The following CLCN5 variants were observed in gnomAD, a reference collection of about 807,000 sequenced individuals.
CLCN5 encodes Cl-/H+ antiporter 5, also known as H(+)/Cl(-) exchange transporter 5.
In CLCN5, 17 loss-of-function variants were observed where a neutral mutation model predicts 54.0. The observed-to-expected ratio is 0.31, with a 90% CI of 0.22 to 0.47. The LOEUF (loss-of-function observed/expected upper bound fraction) is 0.47. Ranked by LOEUF, CLCN5 falls within the 20% of genes least tolerant of loss-of-function variation. CLCN5 has a pLI of 1.00. For missense variants in CLCN5, 448 were observed against 646.7 expected, an observed-to-expected ratio of 0.69 and a Z score of 3.33; for synonymous variants, 222 against 233.0, an observed-to-expected ratio of 0.95 and a Z score of 0.43.
At chrX:49,925,693 T>C (rs1489964945) in intron 3 of CLCN5, among the ~76,000 whole-genome samples, 2 of 112,253 alleles carry the variant, frequency 1.8e-5, no homozygotes, top group Non-Finnish European at 3.8e-5. Flanking sequence ...GGGAGACAGA[T>C]GTCACTGCCT....
At chrX:49,959,053 A>G (rs1216299421) in intron 3 of CLCN5, among the ~76,000 whole-genome samples, 1 of 110,261 alleles carries the variant, frequency 9.1e-6, no homozygotes, top group Non-Finnish European at 1.9e-5. Flanking sequence ...TTTTTTCTTC[A>G]AGATCATGGG....
intron 3 of CLCN5, among the ~76,000 whole-genome samples, chrX:49,946,588 A>G (rs1236095109): frequency 9.0e-6 from 1 of 111,480 alleles, no homozygotes; most frequent in African/African-American, 3.3e-5. Flanking sequence ...AATGGCAAGA[A>G]GGAATCAATA....
intron 3 of CLCN5, among the ~76,000 whole-genome samples, chrX:49,932,185 G>A (rs782752625): frequency 2.6e-4 from 29 of 111,664 alleles, no homozygotes; most frequent in Non-Finnish European, 5.3e-4. Context: ...CAAAGTGCAG[G>A]GATTACAGGC....
chrX:50,015,050 A>G (rs1273975273), intron 3 of CLCN5, among the ~76,000 whole-genome samples: 2 of 111,160 alleles, frequency 1.8e-5, no homozygotes, highest in African/African-American at 6.5e-5. Flanking sequence ...ACCTATATGT[A>G]TATATATGGA....
At chrX:49,970,784 G>A (rs781940109) in intron 3 of CLCN5, among the ~76,000 whole-genome samples, 38 of 111,319 alleles carry the variant, frequency 3.4e-4, no homozygotes, top group Non-Finnish European at 6.4e-4. Context: ...CCTAGGACTG[G>A]AATTTCTGGG....
intron 6 of CLCN5, among the ~76,000 whole-genome samples, 197 bp from the exon 7 acceptor site, chrX:50,075,598 A>G (rs1452393047): frequency 1.8e-5 from 2 of 111,342 alleles, no homozygotes; most frequent in African/African-American, 6.5e-5. Context: ...GGCAGTGTTT[A>G]GTGCAGAGAT....
chrX:49,955,808 C>T (rs138205230), intron 3 of CLCN5, among the ~76,000 whole-genome samples: 1,717 of 111,507 alleles, frequency 0.015, 29 homozygotes, highest in African/African-American at 0.053. Context: ...TTAAAACTGT[C>T]GAACTGTAGT....
Position 50,092,269 on chromosome X carries a change from T to C in CLCN5, c.*50T>C. The C allele has an allele frequency of 1.1e-6, 1 of 871,349 alleles. No individual in the cohort carries two copies. Among genetic ancestry groups the C allele is most frequent in the Non-Finnish European group, 1.7e-6 (1 of 586,954 alleles). The allele number at this position is 871,349 out of a possible 1,213,427, so 71.8% of individuals were successfully genotyped here. A position where few individuals can be genotyped will look rare whatever the true frequency, so the allele number is the denominator to read the frequency against. On this transcript the variant is annotated 3_prime_UTR_variant, in exon 15 of 15. Transcript: ENST00000376091. ...CGGGAAGGACATTACAGACCATGGATATGTTGTATTAACTGGGTACCCAAA... is the reference window on the plus strand; with the variant it reads ...CGGGAAGGACATTACAGACCATGGACATGTTGTATTAACTGGGTACCCAAA...
At position 49,991,727 on chromosome X, in the gene CLCN5, C is replaced by T. The variant is rs1317060383; in HGVS notation, c.17-50589C>T. 2.7e-5 allele frequency among the ~76,000 whole-genome samples: 3 copies of T among 111,866 alleles called. No individual in the cohort carries two copies. In the Admixed American group the frequency reaches 2.8e-4, roughly 11 times the overall value. ...TTAAAACTTTCCTGTTAACATATAA[C>T]ACACCTACAAAACAGTGTGCAAATC... is the stretch of plus-strand genomic sequence containing the variant. On this transcript the variant is annotated intron_variant, in intron 3 of 14. Transcript: ENST00000376091.
Position 49,969,944 on chromosome X carries a change from A to G in CLCN5, c.16+44630A>G, listed in dbSNP as rs1480021863. Among the ~76,000 whole-genome samples, 9 of 111,440 alleles carry G rather than the reference A, an allele frequency of 8.1e-5. No homozygotes were observed. In the East Asian group the frequency reaches 1.4e-3, roughly 17 times the overall value. On this transcript the variant is annotated intron_variant, in intron 3 of 14. Transcript: ENST00000376091. ...TGAAGCTTGGTTGTTAGGTGCATGCATGTTTAGGATTACTATGTACTTTTG... is the reference window on the plus strand; with the variant it reads ...TGAAGCTTGGTTGTTAGGTGCATGCGTGTTTAGGATTACTATGTACTTTTG...
At chrX:49,987,734 T>A (rs1291228821) in intron 3 of CLCN5, among the ~76,000 whole-genome samples, 1 of 111,419 alleles carries the variant, frequency 9.0e-6, no homozygotes, top group Non-Finnish European at 1.9e-5. Context: ...AATTAGGCTC[T>A]ATTAAATCTT....
In CLCN5 at chrX:50,093,371, G is replaced by A. The variant is rs1466323081; in HGVS notation, c.*1152G>A. The A allele has an allele frequency of 8.9e-6, 1 of 112,008 alleles. No individual in the cohort carries two copies. The highest frequency in any genetic ancestry group is 3.3e-5 in the African/African-American group (1 of 30,708). The allele number at this position is 112,008 out of a possible 1,213,427, so 9.2% of individuals were successfully genotyped here. ...GTCCCCATGATCATGAATTAGGCTT[G>A]GGATGCTTCCAAATATATTCAAGGT... On this transcript the variant is annotated 3_prime_UTR_variant, in exon 15 of 15. Coordinates refer to ENST00000376091, the MANE Select transcript of CLCN5 (RefSeq NM_001127898.4).
At chrX:50,049,754 A>G (rs1280657819) in intron 4 of CLCN5, among the ~76,000 whole-genome samples, 1 of 111,520 alleles carries the variant, frequency 9.0e-6, no homozygotes, top group African/African-American at 3.3e-5. Flanking sequence ...TGTGCTGTGA[A>G]GTTCTATAAG....
chrX:49,923,738 G>GT (rs1264965436), intron 2 of CLCN5: 1 of 112,291 alleles, frequency 8.9e-6, no homozygotes, highest in Non-Finnish European at 1.9e-5. Flanking sequence ...CACCCTAGGA[G>GT]TTTGTGAGTT....
Position 50,042,404 on chromosome X carries a change from A to G in CLCN5, c.105A>G (p.Ala35=), listed in dbSNP as rs1206185911. ...ATGAAGACCTGATGGACATTCCAGC[A>G]ACCGCTATGGATTTCTCCATGAGAG... is the stretch of plus-strand genomic sequence containing the variant. ...SSDEDLMDIP[A]TAMDFSMRDD... Residue 35 remains alanine (A), a synonymous_variant, in exon 4 of 15, where the codon GCA becomes GCG. Transcript: ENST00000376091. The G allele has an allele frequency of 1.0e-5, 12 of 1,155,694 alleles. No homozygotes were observed. Among genetic ancestry groups the G allele is most frequent in the Non-Finnish European group, 1.4e-5 (12 of 864,417 alleles).
At chrX:50,076,907 A>T (rs1933426048) in intron 7 of CLCN5, among the ~76,000 whole-genome samples, 1 of 111,361 alleles carries the variant, frequency 9.0e-6, no homozygotes, top group African/African-American at 3.3e-5. Context: ...CCACTCAGTT[A>T]TATGTTTGAT....
chrX:50,014,966 C>T (rs1411261178), intron 3 of CLCN5, among the ~76,000 whole-genome samples: 4 of 111,772 alleles, frequency 3.6e-5, no homozygotes, highest in Non-Finnish European at 7.5e-5. Flanking sequence ...TTTGCTCCCT[C>T]ACTTCCTTCC....
chrX:50,055,282 G>A (rs1932709617), intron 4 of CLCN5, among the ~76,000 whole-genome samples: 1 of 111,584 alleles, frequency 9.0e-6, no homozygotes, highest in South Asian at 3.8e-4. Flanking sequence ...ATTTGGAAGG[G>A]ACCTTAACAT....
intron 3 of CLCN5, among the ~76,000 whole-genome samples, chrX:49,953,638 T>C (rs1322469778): frequency 8.9e-6 from 1 of 112,422 alleles, no homozygotes; most frequent in Non-Finnish European, 1.9e-5. Context: ...ATTTTATTGA[T>C]GTACCACGAG....
Sources: gnomAD v4.1 joint callset for allele counts (sites outside exome capture counted in the v4.1 genomes callset) on GRCh38, gnomAD v4.1.1 for gene constraint, MANE v1.5 for transcripts, NCBI Gene and HGNC (gene_info 2026-07-23, HGNC 2026-07-21) for gene names.